The following MYO5A variants were observed in gnomAD, a reference collection of about 807,000 sequenced individuals.
MYO5A encodes the protein unconventional myosin-Va.
A neutral mutation model predicts 249.7 loss-of-function variants in MYO5A; 98 were observed. That is an observed-to-expected ratio of 0.39 (90% CI 0.33 to 0.46). The LOEUF (loss-of-function observed/expected upper bound fraction) is 0.46. Ranked by LOEUF, MYO5A falls within the 20% of genes least tolerant of loss-of-function variation. The pLI is 0.98. For synonymous variants in MYO5A, 778 were observed against 810.6 expected (o/e 0.96, Z 0.68); for missense variants, 1,696 against 2,308.8 (o/e 0.73, Z 5.44).
At position 52,353,649 on chromosome 15, in the gene MYO5A, T is replaced by C. The variant is rs770710774; in HGVS notation, c.3577A>G (p.Arg1193Gly). The change falls in exon 27 of 42, where the codon AGA becomes GGA. Residue 1193 changes from arginine (R) to glycine (G), a missense_variant. Arg to Gly is a moderately radical substitution (Grantham distance 125). Around this residue, in one of 5 missense-constraint regions of MYO5A, gnomAD observed 625 missense variants for 908.1 expected, o/e 0.69. Transcript: ENST00000399233. ...AGTTCTGCACCTCTAATTTGTGGTC[T>C]TTCTTCTTCCTAGGGAAAAGTTAAA... ...VLRSKAKEEE[R>G]PQIRGAELEY... The C allele has an allele frequency of 1.2e-5, 20 of 1,613,786 alleles. No individual in the cohort carries two copies. In the South Asian group the frequency reaches 1.9e-4, roughly 15 times the overall value.
chr15:52,459,317 C>T (rs561248950), intron 1 of MYO5A, among the ~76,000 whole-genome samples: 1 of 151,816 alleles, frequency 6.6e-6, no homozygotes, highest in African/African-American at 2.4e-5. Flanking sequence ...CCGCCTTCCA[C>T]CTTCCACAGT....
chr15:52,332,946 T>G (rs2038957557), intron 34 of MYO5A, among the ~76,000 whole-genome samples: 1 of 152,084 alleles, frequency 6.6e-6, no homozygotes, highest in Admixed American at 6.5e-5. Context: ...GCCTGAGTGA[T>G]GAAAGCCAAA....
chr15:52,484,752 C>A (rs1195746124), intron 1 of MYO5A, among the ~76,000 whole-genome samples: 1 of 152,184 alleles, frequency 6.6e-6, no homozygotes, highest in Non-Finnish European at 1.5e-5. Flanking sequence ...TCAAGCAATT[C>A]TCCTGCCTTA....
chr15:52,403,139 G>A lies in MYO5A; in HGVS notation c.1053+2148C>T, dbSNP rs541912569. 2.6e-5 allele frequency among the ~76,000 whole-genome samples: 4 copies of A among 152,304 alleles called. No homozygotes were observed. The East Asian group carries it at 7.7e-4, about 29-fold the overall frequency. On this transcript the variant is annotated intron_variant, in intron 9 of 41. Transcript: ENST00000399233. Reference sequence around the variant, plus strand: ...AGACTCATAATGAAGTGATATATGTGACATAACATTAGTCATGACTTTCTT... The same window carrying A: ...AGACTCATAATGAAGTGATATATGTAACATAACATTAGTCATGACTTTCTT...
At chr15:52,471,862 C>T (rs1043466981) in intron 1 of MYO5A, among the ~76,000 whole-genome samples, 2 of 151,698 alleles carry the variant, frequency 1.3e-5, no homozygotes, top group African/African-American at 2.4e-5. Flanking sequence ...CCATGCGTGG[C>T]GAATTTTTTA....
intron 1 of MYO5A, among the ~76,000 whole-genome samples, chr15:52,487,529 G>A (rs1331455085): frequency 6.6e-6 from 1 of 152,056 alleles, no homozygotes; most frequent in African/African-American, 2.4e-5. Flanking sequence ...TTCAAGACCA[G>A]CTTGGACCAC....
At chr15:52,321,263 T>C in intron 38 of MYO5A, 96 bp downstream of exon 38, 3 of 1,527,428 alleles carry the variant, frequency 2.0e-6, no homozygotes, top group Non-Finnish European at 2.7e-6. Context: ...GCTCCCCAAA[T>C]GAATACCTGC....
intron 5 of MYO5A, among the ~76,000 whole-genome samples, chr15:52,410,896 C>T (rs146087591): frequency 6.6e-6 from 1 of 152,188 alleles, no homozygotes; most frequent in African/African-American, 2.4e-5. Context: ...CTTTTAAGAA[C>T]AGAACCACTT....
At chr15:52,326,139 A>C (rs747414587) in intron 36 of MYO5A, among the ~76,000 whole-genome samples, 91 of 152,248 alleles carry the variant, frequency 6.0e-4, no homozygotes, top group Admixed American at 2.6e-4. Flanking sequence ...TACGATTCAA[A>C]ACTGGGATGT....
rs75806249 is a variant in MYO5A at position 52,308,222 on chromosome 15, C to A, written c.*5474G>T. ...AAGCTAACGAACATTTTAGATAGAC[C>A]AAATTACAAATAAAAAAAGTATAAA... On this transcript the variant is annotated 3_prime_UTR_variant, in exon 42 of 42. Coordinates refer to ENST00000399233, the MANE Select transcript of MYO5A (RefSeq NM_001382347.1). 89 of 152,150 alleles carry A rather than the reference C, an allele frequency of 5.8e-4. No homozygotes were observed. The East Asian group carries it at 0.016, about 27-fold the overall frequency. 9.4% of individuals were successfully genotyped at this position (152,150 alleles called of 1,614,324 possible).
intron 1 of MYO5A, among the ~76,000 whole-genome samples, chr15:52,482,518 CA>C (rs1353999743): frequency 3.9e-5 from 6 of 152,148 alleles, no homozygotes; most frequent in Non-Finnish European, 8.8e-5. Context: ...TTTACAAAAA[CA>C]GAAGCAATAC....
In MYO5A at chr15:52,321,299, A is replaced by C. The variant is rs186243454; in HGVS notation, c.4951+60T>G. 5.8e-5 allele frequency: 93 copies of C among 1,605,220 alleles called. No homozygotes were observed. In the African/African-American group the frequency reaches 1.1e-3, roughly 19 times the overall value. ...CCTGAAACATGTGCCACTGGTGGCT[A>C]CTTATCGATGGGCATGAATGATAGG... On this transcript the variant is annotated intron_variant, in intron 38 of 41. Transcript: ENST00000399233.
At chr15:52,387,758 A>G in intron 14 of MYO5A, 71 bp downstream of exon 14, 1 of 1,212,352 alleles carries the variant, frequency 8.2e-7, no homozygotes, top group South Asian at 1.3e-5. Context: ...TTGTTAAAAA[A>G]ATCATTTTTA....
chr15:52,351,808 C>T (rs1190699365), intron 27 of MYO5A, among the ~76,000 whole-genome samples: 1 of 152,122 alleles, frequency 6.6e-6, no homozygotes, highest in Non-Finnish European at 1.5e-5. Flanking sequence ...TGCTATGGAG[C>T]CTAGCTTTTG....
At chr15:52,372,497 A>C in intron 20 of MYO5A, 134 bp from the exon 21 acceptor site, 1 of 1,206,494 alleles carries the variant, frequency 8.3e-7, no homozygotes, top group East Asian at 2.5e-5. Context: ...TGTACTATGT[A>C]GATTATACTT....
chr15:52,346,566 C>G, intron 29 of MYO5A, 105 bp from the exon 30 acceptor site: 1 of 757,384 alleles, frequency 1.3e-6, no homozygotes, highest in Non-Finnish European at 2.3e-6. Flanking sequence ...ATGTGCTCCA[C>G]CATACCTGTG....
chr15:52,323,779 G>C lies in MYO5A; in HGVS notation c.4711-335C>G, dbSNP rs112565107. On this transcript the variant is annotated intron_variant, in intron 36 of 41. Transcript: ENST00000399233. ...AGCACTTTGGGAGGCCGAGGCAGAT[G>C]GATTGCCTGGGGTCAGGAGTTGGAG... The C allele has an allele frequency of 6.1e-4, 194 of 317,868 alleles. 1 individual carries two copies. Among genetic ancestry groups the C allele is most frequent in the African/African-American group, 4.0e-3 (187 of 46,180 alleles). 19.7% of individuals were successfully genotyped at this position (317,868 alleles called of 1,614,324 possible). A position where few individuals can be genotyped will look rare whatever the true frequency, so the allele number is the denominator to read the frequency against.
At chr15:52,401,074 CTTTT>C in intron 9 of MYO5A, among the ~76,000 whole-genome samples, 1 of 136,066 alleles carries the variant, frequency 7.3e-6, no homozygotes, top group Admixed American at 7.5e-5. Flanking sequence ...TTCTCATAAG[CTTTT>C]TTTTTTTTTT....
intron 24 of MYO5A, among the ~76,000 whole-genome samples, chr15:52,364,020 T>A (rs1485815877): frequency 1.3e-5 from 2 of 152,096 alleles, no homozygotes; most frequent in East Asian, 3.9e-4. Context: ...GGGTAGATCA[T>A]GAGGTCAAGA....
Sources: gnomAD v4.1 joint callset for allele counts (sites outside exome capture counted in the v4.1 genomes callset) on GRCh38, gnomAD v4.1.1 for gene constraint, gnomAD v4.1.1 regional missense constraint, MANE v1.5 for transcripts, NCBI Gene and HGNC (gene_info 2026-07-23, HGNC 2026-07-21) for gene names.